TSPAN9: variants seen among roughly 807,000 people sequenced by gnomAD.
TSPAN9 encodes tetraspanin-9.
A neutral mutation model predicts 31.0 loss-of-function variants in TSPAN9; 16 were observed. The ratio of observed to expected loss-of-function variants is 0.52; its 90% CI spans 0.35 to 0.78. The LOEUF (loss-of-function observed/expected upper bound fraction) is 0.78. Ranked by LOEUF, TSPAN9 falls within the 30% of genes least tolerant of loss-of-function variation. TSPAN9 has a pLI of 0.01. For missense variants in TSPAN9, 272 were observed against 312.5 expected (o/e 0.87, Z 0.98); for synonymous variants, 145 against 121.6 (o/e 1.19, Z -1.27).
At chr12:3,202,264 A>G (rs1195997329) in intron 3 of TSPAN9, among the ~76,000 whole-genome samples, 1 of 152,174 alleles carries the variant, frequency 6.6e-6, no homozygotes, top group Non-Finnish European at 1.5e-5. Flanking sequence ...TCAGTCCCAG[A>G]GTCTGTCCTG....
At chr12:3,125,891 G>A (rs997084257) in intron 2 of TSPAN9, among the ~76,000 whole-genome samples, 1 of 152,182 alleles carries the variant, frequency 6.6e-6, no homozygotes, top group Non-Finnish European at 1.5e-5. Flanking sequence ...GATTATGAAC[G>A]AGGACTCAGC....
chr12:3,279,584 C>A (rs1458705650), intron 5 of TSPAN9, among the ~76,000 whole-genome samples: 1 of 152,154 alleles, frequency 6.6e-6, no homozygotes, highest in African/African-American at 2.4e-5. Context: ...GGTGGGTGAC[C>A]CCCTGTAACC....
chr12:3,212,478 T>C (rs1478366692), intron 3 of TSPAN9, among the ~76,000 whole-genome samples: 2 of 150,408 alleles, frequency 1.3e-5, no homozygotes, highest in African/African-American at 4.9e-5. Context: ...GGTCTCCCTG[T>C]GTTGTCCAGG....
chr12:3,255,848 A>G (rs1329358629), intron 3 of TSPAN9, among the ~76,000 whole-genome samples: 1 of 152,236 alleles, frequency 6.6e-6, no homozygotes, highest in Non-Finnish European at 1.5e-5. Context: ...AGATGAGAGC[A>G]TGATTTGGTA....
At chr12:3,162,633 A>AGAG (rs2098346017) in intron 2 of TSPAN9, among the ~76,000 whole-genome samples, 3 of 149,954 alleles carry the variant, frequency 2.0e-5, no homozygotes, top group Admixed American at 2.0e-4. Context: ...AAAAAAAAAA[A>AGAG]GTAATTTTCA....
intron 3 of TSPAN9, among the ~76,000 whole-genome samples, chr12:3,248,405 C>G (rs1017313012): frequency 6.6e-6 from 1 of 152,154 alleles, no homozygotes; most frequent in African/African-American, 2.4e-5. Context: ...TGTGTGCTCT[C>G]TTAGTTTCCT....
intron 2 of TSPAN9, among the ~76,000 whole-genome samples, chr12:3,197,728 CCACCAGCACAGGCCACCACCAGCACAGGT>C: frequency 1.7e-5 from 2 of 120,250 alleles, no homozygotes; most frequent in Non-Finnish European, 3.5e-5. Flanking sequence ...GCACAGGTCA[CCACCAGCACAGGCCACCACCAGCACAGGT>C]CACCAGCACA....
intron 2 of TSPAN9, among the ~76,000 whole-genome samples, chr12:3,134,912 G>A (rs1243308815): frequency 6.6e-6 from 1 of 152,122 alleles, no homozygotes; most frequent in Admixed American, 6.5e-5. Flanking sequence ...ATAGAAGGGA[G>A]GAAGAAGAAC....
chr12:3,100,060 C>G (rs2098311123), intron 2 of TSPAN9, among the ~76,000 whole-genome samples: 1 of 152,022 alleles, frequency 6.6e-6, no homozygotes, highest in Non-Finnish European at 1.5e-5. Context: ...CCGGGATGGT[C>G]TCGATCTCCT....
chr12:3,226,775 TATATA>T (rs1565622588), intron 3 of TSPAN9, among the ~76,000 whole-genome samples: 6 of 6,164 alleles, frequency 9.7e-4, no homozygotes, highest in Non-Finnish European at 2.2e-3. Context: ...TATATATATA[TATATA>T]TATATATATA....
chr12:3,280,497 C>T lies in TSPAN9; in HGVS notation c.432+14C>T, dbSNP rs373609821. The T allele has an allele frequency of 4.6e-5, 74 of 1,608,466 alleles. No individual in the cohort carries two copies. In the African/African-American group the frequency reaches 7.7e-4, roughly 17 times the overall value. ...ATCCAGGCTGAGGTGCGGGCTGGGC[C>T]GCCCTGGTGGGGCCAGGCAGGGAGG... On this transcript the variant is annotated intron_variant, in intron 6 of 8. Coordinates refer to ENST00000011898, the MANE Select transcript of TSPAN9 (RefSeq NM_006675.5). The surrounding 1 kb of genome is among the most constrained non-coding windows in gnomAD (Gnocchi z 4.5).
intron 3 of TSPAN9, among the ~76,000 whole-genome samples, chr12:3,265,820 C>G (rs1862526629): frequency 6.6e-6 from 1 of 152,200 alleles, no homozygotes; most frequent in Non-Finnish European, 1.5e-5. Context: ...GTTATAATCA[C>G]AAGGGTCATA....
chr12:3,117,425 G>T (rs529777691), intron 2 of TSPAN9, among the ~76,000 whole-genome samples: 30 of 152,238 alleles, frequency 2.0e-4, no homozygotes, highest in African/African-American at 6.7e-4. Flanking sequence ...AGGAAGTGGT[G>T]GGACTATTTG....
At chr12:3,158,089 G>A (rs1372714217) in intron 2 of TSPAN9, among the ~76,000 whole-genome samples, 5 of 152,164 alleles carry the variant, frequency 3.3e-5, no homozygotes, top group African/African-American at 4.8e-5. Context: ...CAGTGCCTGC[G>A]GGGTTTCCTC....
chr12:3,131,186 GCA>G (rs58441651), intron 2 of TSPAN9, among the ~76,000 whole-genome samples: 6,936 of 151,932 alleles, frequency 0.046, 521 homozygotes, highest in African/African-American at 0.16. Context: ...GAGCTGCTGG[GCA>G]CAGTCATCTC....
At chr12:3,240,581 G>C (rs976700311) in intron 3 of TSPAN9, among the ~76,000 whole-genome samples, 2 of 152,180 alleles carry the variant, frequency 1.3e-5, no homozygotes, top group Non-Finnish European at 2.9e-5. Flanking sequence ...GGACTCCAAA[G>C]TCCTGGTCTT....
intron 2 of TSPAN9, among the ~76,000 whole-genome samples, chr12:3,101,360 G>T (rs1304023239): frequency 6.6e-6 from 1 of 152,136 alleles, no homozygotes; most frequent in Non-Finnish European, 1.5e-5. Context: ...TGTTGCTGCT[G>T]GGATTTAAGC....
chr12:3,077,471 G>T lies in TSPAN9; in HGVS notation c.-85+18G>T. 1 of 151,892 alleles carries T rather than the reference G, an allele frequency of 6.6e-6. No individual in the cohort carries two copies. Among genetic ancestry groups the T allele is most frequent in the South Asian group, 1.8e-4 (1 of 5,552 alleles). 9.4% of individuals were successfully genotyped at this position (151,892 alleles called of 1,614,324 possible). On this transcript the variant is annotated intron_variant, in intron 1 of 8. Transcript: ENST00000011898. ...CGGGCGCGGTGAGTGCGGCCCGGGC[G>T]GCGGGCGGCGAGGCGGGTCTCGAGA...
chr12:3,142,269 C>T (rs1452749019), intron 2 of TSPAN9, among the ~76,000 whole-genome samples: 5 of 152,222 alleles, frequency 3.3e-5, no homozygotes, highest in Non-Finnish European at 7.3e-5. Flanking sequence ...TGTCCCCACC[C>T]AGCCACACCA....
Sources: allele counts gnomAD v4.1 joint callset (sites outside exome capture counted in the v4.1 genomes callset), GRCh38; gene constraint gnomAD v4.1.1; non-coding constraint Gnocchi (gnomAD v3.1); transcripts MANE v1.5; gene names NCBI Gene and HGNC (gene_info 2026-07-23, HGNC 2026-07-21).